Variants in DNAH17 observed in about 807,000 individuals in gnomAD.
The protein encoded by DNAH17 is dynein axonemal heavy chain 17.
In DNAH17, 376 loss-of-function variants were observed where a neutral mutation model predicts 485.6. That is an observed-to-expected ratio of 0.77 (90% CI 0.71 to 0.84). The LOEUF is 0.84. Ranked by LOEUF, DNAH17 falls within the 40% of genes least tolerant of loss-of-function variation. DNAH17 has a pLI of 0.00. For synonymous variants in DNAH17, 3,031 were observed against 2,405.9 expected (o/e 1.26, Z -7.60); for missense variants, 6,370 against 5,839.3 (o/e 1.09, Z -2.96).
chr17:78,544,868 G>A (rs1423270569), intron 16 of DNAH17, among the ~76,000 whole-genome samples: 3 of 143,164 alleles, frequency 2.1e-5, no homozygotes, highest in Admixed American at 7.0e-5. Flanking sequence ...GGACTTTACT[G>A]TTATCTGTCA....
rs1024771013 is a variant in DNAH17, at chr17:78,493,944, G to A, written c.6408+92C>T. 24 of 1,477,698 alleles carry A rather than the reference G, an allele frequency of 1.6e-5. No individual in the cohort carries two copies. The African/African-American group carries it at 3.2e-4, about 20-fold the overall frequency. The allele number at this position is 1,477,698 out of a possible 1,614,324, so 91.5% of individuals were successfully genotyped here. A position where few individuals can be genotyped will look rare whatever the true frequency, so the allele number is the denominator to read the frequency against. On this transcript the variant is annotated intron_variant, in intron 41 of 80. Transcript: ENST00000389840. ...AGGATGTACTGGGTTGGGGTCTCCG[G>A]GGTGGCGGGGAGTGATGGAGGGCCG... is the stretch of plus-strand genomic sequence containing the variant.
intron 47 of DNAH17, 74 bp downstream of exon 47, chr17:78,485,476 T>C (rs2089560153): frequency 2.1e-6 from 3 of 1,418,248 alleles, no homozygotes; most frequent in African/African-American, 2.8e-5. Context: ...GGGCCTGCAG[T>C]GAGAGGGGAC....
At chr17:78,496,579 G>A (rs1307176987) in intron 37 of DNAH17, 2 of 151,156 alleles carry the variant, frequency 1.3e-5, no homozygotes, top group Non-Finnish European at 1.5e-5. Flanking sequence ...TTGACCCCTG[G>A]CAACCATGTC....
intron 77 of DNAH17, among the ~76,000 whole-genome samples, chr17:78,427,827 G>A (rs2086528873): frequency 3.9e-5 from 6 of 152,170 alleles, no homozygotes. Context: ...AAATTAGCCA[G>A]GTGTGGTGGC....
intron 7 of DNAH17, among the ~76,000 whole-genome samples, chr17:78,569,961 G>A (rs2092326924): frequency 6.6e-6 from 1 of 152,214 alleles, no homozygotes; most frequent in Non-Finnish European, 1.5e-5. Flanking sequence ...TGCGATTAGA[G>A]AAGCCCACAA....
At position 78,449,535 on chromosome 17, in the gene DNAH17, T is replaced by C. The variant is rs904413380; in HGVS notation, c.11090A>G (p.Asn3697Ser). The change falls in exon 69 of 81, where the codon AAC (asparagine) becomes AGC (serine). Residue 3697 changes from asparagine (N) to serine (S), a missense_variant. By Grantham distance (46) the Asn-to-Ser change is conservative. Transcript: ENST00000389840. ...GTTGATCACCCGCTGCTTCACCTCG[T>C]TGGCAGGGGTGGTCCTCTGGATGGC... ...EKAIQRTTPA[N>S]EVKQRVINLT... The C allele has an allele frequency of 5.0e-6, 8 of 1,602,562 alleles. No individual in the cohort carries two copies. In the Admixed American group the frequency reaches 5.1e-5, roughly 10 times the overall value.
At chr17:78,505,237 A>T in intron 31 of DNAH17, 56 bp downstream of exon 31, 1 of 1,603,636 alleles carries the variant, frequency 6.2e-7, no homozygotes, top group Non-Finnish European at 8.5e-7. Flanking sequence ...CGTGTGGCCC[A>T]CACGCGTGCT....
At chr17:78,466,547 C>A in intron 56 of DNAH17, 108 bp downstream of exon 56, 1 of 1,138,836 alleles carries the variant, frequency 8.8e-7, no homozygotes, top group Non-Finnish European at 1.1e-6. Context: ...GGACGCCTCA[C>A]TTGGCTCACC....
At chr17:78,508,645 G>T (rs2090552776) in intron 27 of DNAH17, among the ~76,000 whole-genome samples, 1 of 152,152 alleles carries the variant, frequency 6.6e-6, no homozygotes, top group South Asian at 2.1e-4. Context: ...GGAAGAGGGG[G>T]ATCTATAGAG....
At chr17:78,559,786 C>A (rs78096695) in intron 13 of DNAH17, among the ~76,000 whole-genome samples, 1,701 of 152,254 alleles carry the variant, frequency 0.011, 47 homozygotes, top group East Asian at 0.068. Context: ...CCTCTCATCT[C>A]TTCTCCTACG....
intron 55 of DNAH17, among the ~76,000 whole-genome samples, 165 bp downstream of exon 55, chr17:78,468,452 A>AG (rs995839712): frequency 6.6e-6 from 1 of 152,138 alleles, no homozygotes; most frequent in African/African-American, 2.4e-5. Flanking sequence ...AAAAGTCTCC[A>AG]GGCTCCGGTT....
Position 78,539,748 on chromosome 17 carries a change from T to C in DNAH17, c.2665A>G (p.Met889Val), listed in dbSNP as rs767126055. 6.2e-7 allele frequency: 1 copy of C among 1,610,718 alleles called. No homozygotes were observed. The highest frequency in any genetic ancestry group is 1.7e-5 in the Admixed American group (1 of 59,676). ...TGTTGATAACTTACATCTATAACCA[T>C]GTTGTCCATTAGGAAACTCAGAGAT... is the stretch of plus-strand genomic sequence containing the variant. ...RKSLSFLMDN[M>V]VIDESIAPLF... The change falls in exon 18 of 81, where the codon ATG becomes GTG. Residue 889 changes from methionine to valine, a missense_variant. By Grantham distance (21) the Met-to-Val change is conservative. Transcript: ENST00000389840.
rs369597937 is a variant in DNAH17 at position 78,571,084 on chromosome 17, A to C, written c.833-51T>G. ...ACCGGTAAGAGAGCAGAAATTGCTCAGAAACGATGAGGGTGCGGCTCCATG... is the reference window on the plus strand; with the variant it reads ...ACCGGTAAGAGAGCAGAAATTGCTCCGAAACGATGAGGGTGCGGCTCCATG... On this transcript the variant is annotated intron_variant, in intron 5 of 80. Coordinates refer to ENST00000389840, the MANE Select transcript of DNAH17 (RefSeq NM_173628.4). 6 of 1,500,174 alleles carry C rather than the reference A, an allele frequency of 4.0e-6. No homozygotes were observed. The African/African-American group carries it at 8.4e-5, about 21-fold the overall frequency. 92.9% of individuals were successfully genotyped at this position (1,500,174 alleles called of 1,614,324 possible).
At chr17:78,501,448 AACCC>A in intron 34 of DNAH17, 104 bp from the exon 35 acceptor site, 2 of 1,373,746 alleles carry the variant, frequency 1.5e-6, no homozygotes, top group Non-Finnish European at 1.9e-6. Flanking sequence ...CTGCCCAGGG[AACCC>A]TCCCTGGCCC....
intron 13 of DNAH17, among the ~76,000 whole-genome samples, chr17:78,558,750 G>A (rs1054022458): frequency 5.3e-5 from 8 of 152,174 alleles, no homozygotes; most frequent in African/African-American, 1.7e-4. Flanking sequence ...TTTCCTCGCT[G>A]GAATCTAACC....
intron 16 of DNAH17, among the ~76,000 whole-genome samples, chr17:78,546,912 A>AAG (rs1244217727): frequency 1.3e-4 from 1 of 7,744 alleles, no homozygotes; most frequent in African/African-American, 5.7e-4. Context: ...CTCAAGAAAG[A>AAG]AAAAAAAAAA....
chr17:78,427,618 C>T (rs1415364234), intron 77 of DNAH17, among the ~76,000 whole-genome samples: 1 of 152,218 alleles, frequency 6.6e-6, no homozygotes, highest in Admixed American at 6.5e-5. Flanking sequence ...ATCAAGAATT[C>T]AGTCTTTACC....
rs141694898 is a variant in DNAH17, at chr17:78,527,862, G to A, written c.3508-866C>T. On this transcript the variant is annotated intron_variant, in intron 22 of 80. Coordinates refer to ENST00000389840, the MANE Select transcript of DNAH17 (RefSeq NM_173628.4). ...GGTGCGATCTTGGCTCACCACAACC[G>A]CTGCCTTCTGGGTTCAAGTGATTCT... Among the ~76,000 whole-genome samples the A allele has an allele frequency of 1.9e-3, 292 of 152,112 alleles. 2 individuals carry two copies. Among genetic ancestry groups the A allele is most frequent in the African/African-American group, 6.5e-3 (270 of 41,456 alleles).
intron 48 of DNAH17, among the ~76,000 whole-genome samples, chr17:78,481,133 C>T (rs2089330823): frequency 7.4e-6 from 1 of 134,956 alleles, no homozygotes. Context: ...GATGGAGTCT[C>T]ACTCAGTCAC....
Sources: allele counts gnomAD v4.1 joint callset (sites outside exome capture counted in the v4.1 genomes callset), GRCh38; gene constraint gnomAD v4.1.1; transcripts MANE v1.5; gene names NCBI Gene and HGNC (gene_info 2026-07-23, HGNC 2026-07-21).